The following ARHGAP11A variants were observed in gnomAD, a reference collection of about 807,000 sequenced individuals.
The protein encoded by ARHGAP11A is Rho GTPase activating protein 11A, also known as rho GTPase-activating protein 11A.
ARHGAP11A carries 36 observed loss-of-function variants against 60.5 expected under a neutral mutation model. The observed-to-expected ratio is 0.59, with a 90% CI of 0.46 to 0.79. The LOEUF is 0.79. Ranked by LOEUF, ARHGAP11A falls within the 30% of genes least tolerant of loss-of-function variation. The pLI is 0.00. For missense variants in ARHGAP11A, 1,071 were observed against 1,199.2 expected (o/e 0.89, Z 1.58); for synonymous variants, 362 against 415.5 (o/e 0.87, Z 1.57).
upstream of ARHGAP11A, chr15:32,615,381 T>C (rs534468459): frequency 6.8e-4 from 104 of 151,964 alleles, no homozygotes; most frequent in African/African-American, 2.1e-3. Flanking sequence ...TCGCCCGCAC[T>C]TATCTAGACA....
intron 1 of ARHGAP11A, among the ~76,000 whole-genome samples, chr15:32,618,758 A>ACCCCCCCC (rs57091917): frequency 8.2e-3 from 962 of 117,474 alleles, no homozygotes; most frequent in Non-Finnish European, 0.011. Flanking sequence ...ACACGGTGAA[A>ACCCCCCCC]CCCCCCCCCC....
At chr15:32,617,658 G>C (rs560375771) in intron 1 of ARHGAP11A, among the ~76,000 whole-genome samples, 2 of 152,122 alleles carry the variant, frequency 1.3e-5, no homozygotes, top group African/African-American at 2.4e-5. Context: ...TTTTTTAGTA[G>C]AGACGGGATT....
In ARHGAP11A at chr15:32,635,868, C is replaced by T. The variant is rs1323343876; in HGVS notation, c.1436C>T (p.Thr479Ile). The T allele has an allele frequency of 2.5e-6, 4 of 1,611,104 alleles. No homozygotes were observed. In the Admixed American group the frequency reaches 6.8e-5, roughly 27 times the overall value. Residue 479 changes from threonine to isoleucine, a missense_variant, in exon 11 of 12, where the codon ACA becomes ATA. Physicochemically the swap from Thr to Ile is moderately conservative, Grantham distance 89 (BLOSUM62 -1). Coordinates refer to ENST00000361627, the MANE Select transcript of ARHGAP11A (RefSeq NM_014783.6). ...AAAAATCGAATTGAATCTGTAAAAACAGGTTTGCTTTTTAGCCCAGATGTT... is the reference window on the plus strand; with the variant it reads ...AAAAATCGAATTGAATCTGTAAAAATAGGTTTGCTTTTTAGCCCAGATGTT... Reference protein sequence around the residue: ...SLKNRIESVKTGLLFSPDVDE... With the variant: ...SLKNRIESVKIGLLFSPDVDE...
At chr15:32,618,204 A>G (rs919297196) in intron 1 of ARHGAP11A, among the ~76,000 whole-genome samples, 1 of 152,326 alleles carries the variant, frequency 6.6e-6, no homozygotes, top group Non-Finnish European at 1.5e-5. Flanking sequence ...TGTAGTTTTA[A>G]GTTTTAAAAA....
At chr15:32,627,183 A>G (rs2053478236) in intron 6 of ARHGAP11A, among the ~76,000 whole-genome samples, 2 of 151,812 alleles carry the variant, frequency 1.3e-5, no homozygotes, top group South Asian at 2.1e-4. Flanking sequence ...GTTCCACTTT[A>G]CTAATGGCTT....
chr15:32,628,813 A>G lies in ARHGAP11A; in HGVS notation c.937+11A>G. 2.6e-6 allele frequency: 4 copies of G among 1,510,426 alleles called. No individual in the cohort carries two copies. The highest frequency in any genetic ancestry group is 3.5e-6 in the Non-Finnish European group (4 of 1,127,132). The allele number at this position is 1,510,426 out of a possible 1,614,324, so 93.6% of individuals were successfully genotyped here. On this transcript the variant is annotated intron_variant, in intron 7 of 11. Coordinates refer to ENST00000361627, the MANE Select transcript of ARHGAP11A (RefSeq NM_014783.6). ...AAGAAGAAAGAATTGGTAGGTATTT[A>G]TTATATGCATTTATTTAAATTAAAA... is the stretch of plus-strand genomic sequence containing the variant.
rs754505443 is a variant in ARHGAP11A, at chr15:32,616,237, T to G, written c.26T>G (p.Leu9Trp). 8 of 1,614,072 alleles carry G rather than the reference T, an allele frequency of 5.0e-6. No homozygotes were observed. The highest frequency in any genetic ancestry group is 6.8e-6 in the Non-Finnish European group (8 of 1,180,042). MWDQRLVR[L>W]ALLQHLRAFY... ...ATGTGGGATCAGAGGCTGGTGAGGT[T>G]GGCCCTGTTGCAGCATCTGCGGGCC... The change falls in exon 1 of 12, where the codon TTG (leucine) becomes TGG (tryptophan). Residue 9 changes from leucine (L) to tryptophan (W), a missense_variant. Transcript: ENST00000361627.
At chr15:32,618,819 G>C (rs2053227229) in intron 1 of ARHGAP11A, among the ~76,000 whole-genome samples, 1 of 149,348 alleles carries the variant, frequency 6.7e-6, no homozygotes, top group Non-Finnish European at 1.5e-5. Flanking sequence ...AGGTGTGGTG[G>C]CGGGCGCCTG....
chr15:32,619,719 A>G (rs1255201139), intron 1 of ARHGAP11A, among the ~76,000 whole-genome samples: 1 of 151,332 alleles, frequency 6.6e-6, no homozygotes, highest in East Asian at 1.9e-4. Context: ...GAAAGTATCT[A>G]GTAAGTATTT....
chr15:32,633,220 A>C, intron 9 of ARHGAP11A, 112 bp downstream of exon 9: 1 of 1,242,200 alleles, frequency 8.1e-7, no homozygotes, highest in South Asian at 1.6e-5. Context: ...AATTTTTTAA[A>C]ATCCCTTCTG....
intron 2 of ARHGAP11A, among the ~76,000 whole-genome samples, chr15:32,622,687 T>G (rs1043385472): frequency 1.3e-5 from 2 of 151,814 alleles, no homozygotes; most frequent in African/African-American, 4.8e-5. Context: ...AACATTGAGA[T>G]TTATTTGAAC....
In ARHGAP11A at chr15:32,625,078, A is replaced by C. The variant is rs1242300616; in HGVS notation, c.552-2A>C. ...ATCTAATAAAGCGTTTATTCACTTA[A>C]GATCCAGTGAGAATAAGATGGACAG... On this transcript the variant is annotated splice_acceptor_variant, in intron 4 of 11. Coordinates refer to ENST00000361627, the MANE Select transcript of ARHGAP11A (RefSeq NM_014783.6). LOFTEE classifies it high-confidence loss of function. 3 of 1,613,704 alleles carry C rather than the reference A, an allele frequency of 1.9e-6. No homozygotes were observed.
At position 32,638,772 on chromosome 15, in the gene ARHGAP11A, CT is replaced by C. The variant is rs1567063167; in HGVS notation, c.*931del. Reference sequence around the variant, plus strand: ...ATTATGATGTGGAAATAATTGATAACTTTTAAGCCATACTATGTTTTTAAAG... The same window carrying C: ...ATTATGATGTGGAAATAATTGATAACTTTAAGCCATACTATGTTTTTAAAG... On this transcript the variant is annotated 3_prime_UTR_variant, in exon 12 of 12. Transcript: ENST00000361627. 1.3e-5 allele frequency: 2 copies of C among 152,518 alleles called. No individual in the cohort carries two copies. The highest frequency in any genetic ancestry group is 6.5e-5 in the Admixed American group (1 of 15,274). 9.4% of individuals were successfully genotyped at this position (152,518 alleles called of 1,614,324 possible).
chr15:32,637,078 T>C lies in ARHGAP11A; in HGVS notation c.2305T>C (p.Cys769Arg), dbSNP rs1370062119. Reference sequence around the variant, plus strand: ...ATCCTCTTTCTCACAGCAGAGTACATGTGTTGTAACAAACTTGTCAAAACC... The same window carrying C: ...ATCCTCTTTCTCACAGCAGAGTACACGTGTTGTAACAAACTTGTCAAAACC... ...ARSSFSQQST[C>R]VVTNLSKPRP... is the part of the protein sequence containing the mutation. The change falls in exon 12 of 12, where the codon TGT becomes CGT. Residue 769 changes from cysteine (C) to arginine (R), a missense_variant. Transcript: ENST00000361627. The C allele has an allele frequency of 2.5e-6, 4 of 1,613,856 alleles. No individual in the cohort carries two copies. The highest frequency in any genetic ancestry group is 3.4e-6 in the Non-Finnish European group (4 of 1,180,040).
At chr15:32,623,355 T>G in intron 2 of ARHGAP11A, 137 bp from the exon 3 acceptor site, 2 of 722,402 alleles carry the variant, frequency 2.8e-6, no homozygotes, top group Non-Finnish European at 4.2e-6. Context: ...AAAAGTAACA[T>G]TTCATCTCAA....
rs771026086 is a variant in ARHGAP11A, at chr15:32,616,189, A to G, written c.-23A>G. 1 of 1,613,252 alleles carries G rather than the reference A, an allele frequency of 6.2e-7. No individual in the cohort carries two copies. The highest frequency in any genetic ancestry group is 2.2e-5 in the East Asian group (1 of 44,832). Reference sequence around the variant, plus strand: ...AGGGTCAGGACCTGCATCCTGCCTCAGAGAGTTATCGACGTATCCGGAATG... The same window carrying G: ...AGGGTCAGGACCTGCATCCTGCCTCGGAGAGTTATCGACGTATCCGGAATG... On this transcript the variant is annotated 5_prime_UTR_variant, in exon 1 of 12. Coordinates refer to ENST00000361627, the MANE Select transcript of ARHGAP11A (RefSeq NM_014783.6).
intron 6 of ARHGAP11A, among the ~76,000 whole-genome samples, chr15:32,626,065 A>G (rs1042127330): frequency 2.6e-5 from 4 of 152,114 alleles, no homozygotes; most frequent in African/African-American, 9.7e-5. Flanking sequence ...AGTGTTCAGC[A>G]TAAGGATAAA....
rs752534483 is a variant in ARHGAP11A, at chr15:32,637,297, G to C, written c.2524G>C (p.Val842Leu). The part of the protein sequence containing the change: ...KFQRTPVRQS[V>L]RRINSLLEYS... ...TCAGCGTACTCCTGTTCGTCAGTCCGTCAGAAGAATTAATTCTTTGTTGGA... is the reference window on the plus strand; with the variant it reads ...TCAGCGTACTCCTGTTCGTCAGTCCCTCAGAAGAATTAATTCTTTGTTGGA... The change falls in exon 12 of 12, where the codon GTC becomes CTC. Residue 842 changes from valine to leucine, a missense_variant. Around this residue, in one of 4 missense-constraint regions of ARHGAP11A, gnomAD observed 776 missense variants for 760.2 expected, o/e 1.02. Coordinates refer to ENST00000361627, the MANE Select transcript of ARHGAP11A (RefSeq NM_014783.6). 1.9e-6 allele frequency: 3 copies of C among 1,614,050 alleles called. No individual in the cohort carries two copies. Among genetic ancestry groups the C allele is most frequent in the Non-Finnish European group, 2.5e-6 (3 of 1,180,026 alleles).
Position 32,635,826 on chromosome 15 carries a change from C to G in ARHGAP11A, c.1394C>G (p.Ala465Gly). Residue 465 changes from alanine to glycine, a missense_variant, in exon 11 of 12, where the codon GCA (alanine) becomes GGA (glycine). Ala to Gly is a moderately conservative substitution (Grantham distance 60). Transcript: ENST00000361627. ...TATGAAAGTGTTGGTTGGCGACTTG[C>G]AAATCAACAAAGTTTAAAAAATCGA... ...NRYESVGWRL[A>G]NQQSLKNRIE... The G allele has an allele frequency of 6.2e-7, 1 of 1,610,164 alleles. No homozygotes were observed. Among genetic ancestry groups the G allele is most frequent in the South Asian group, 1.1e-5 (1 of 90,422 alleles).
Sources: gnomAD v4.1 joint callset for allele counts (sites outside exome capture counted in the v4.1 genomes callset) on GRCh38, gnomAD v4.1.1 for gene constraint, gnomAD v4.1.1 regional missense constraint, MANE v1.5 for transcripts, NCBI Gene and HGNC (gene_info 2026-07-23, HGNC 2026-07-21) for gene names.